Variants in SOX5 observed in about 807,000 individuals in gnomAD.
SOX5 encodes SRY-box transcription factor 5, also known as transcription factor SOX-5.
Under a neutral mutation model 92.0 loss-of-function variants are expected in SOX5, and 9 were observed. The ratio of observed to expected loss-of-function variants is 0.10; its 90% CI spans 0.06 to 0.17. The LOEUF is 0.17. SOX5 is among the 10% of genes least tolerant of loss of function. SOX5 has a pLI of 1.00. For missense variants in SOX5, 642 were observed against 944.5 expected, an observed-to-expected ratio of 0.68 and a Z score of 4.20; for synonymous variants, 344 against 336.3, an observed-to-expected ratio of 1.02 and a Z score of -0.25.
chr12:23,901,451 AG>A (rs1164175935), intron 1 of SOX5, among the ~76,000 whole-genome samples: 5 of 152,236 alleles, frequency 3.3e-5, no homozygotes, highest in African/African-American at 1.2e-4. Context: ...CATTGATTTA[AG>A]CACTTTGTTT....
intron 4 of SOX5, among the ~76,000 whole-genome samples, chr12:23,964,018 T>C (rs1947267652): frequency 6.6e-6 from 1 of 151,786 alleles, no homozygotes; most frequent in Non-Finnish European, 1.5e-5. Context: ...TTAGGAAGAA[T>C]ACAAATATTA....
At chr12:23,564,791 C>T (rs978214938) in intron 10 of SOX5, among the ~76,000 whole-genome samples, 6 of 152,208 alleles carry the variant, frequency 3.9e-5, no homozygotes, top group African/African-American at 1.2e-4. Context: ...CTTGTCTAAT[C>T]ATGTCAGATT....
chr12:23,876,541 T>C (rs551755070), intron 2 of SOX5, among the ~76,000 whole-genome samples: 1 of 152,294 alleles, frequency 6.6e-6, no homozygotes, highest in East Asian at 1.9e-4. Context: ...GAGTATAAAT[T>C]AGTTCAACCA....
intron 1 of SOX5, among the ~76,000 whole-genome samples, chr12:24,482,402 C>A (rs977290633): frequency 6.6e-6 from 1 of 152,154 alleles, no homozygotes; most frequent in African/African-American, 2.4e-5. Context: ...TACTCATAGA[C>A]TTTTCAGTCT....
At chr12:24,412,591 GTTCTCT>G (rs1284679664) in intron 1 of SOX5, among the ~76,000 whole-genome samples, 1 of 151,778 alleles carries the variant, frequency 6.6e-6, no homozygotes, top group Non-Finnish European at 1.5e-5. Context: ...AAATTTTCCT[GTTCTCT>G]TTCTGTTATT....
chr12:23,646,449 G>A (rs2080859216), intron 7 of SOX5, among the ~76,000 whole-genome samples: 1 of 152,192 alleles, frequency 6.6e-6, no homozygotes, highest in East Asian at 1.9e-4. Context: ...TTATGGGCAT[G>A]AGCCACCGCG....
chr12:24,411,587 T>A (rs1964094066), intron 1 of SOX5, among the ~76,000 whole-genome samples: 1 of 152,206 alleles, frequency 6.6e-6, no homozygotes, highest in Admixed American at 6.5e-5. Context: ...TTCTTTAGGT[T>A]GTTAGCATAC....
chr12:24,280,032 T>C (rs1267627215), intron 2 of SOX5, among the ~76,000 whole-genome samples: 4 of 152,130 alleles, frequency 2.6e-5, no homozygotes, highest in South Asian at 2.1e-4. Flanking sequence ...TGTTTTTTTT[T>C]CTCCCACTAG....
chr12:24,023,560 A>AC (rs1954551384), intron 4 of SOX5, among the ~76,000 whole-genome samples: 1 of 151,796 alleles, frequency 6.6e-6, no homozygotes, highest in Admixed American at 6.6e-5. Flanking sequence ...CACTCAACAA[A>AC]ATAAGTGACC....
chr12:23,719,788 CAAAAAAAAAA>C (rs33914230), intron 6 of SOX5, among the ~76,000 whole-genome samples: 2 of 64,174 alleles, frequency 3.1e-5, no homozygotes, highest in Non-Finnish European at 2.8e-5. Flanking sequence ...AGCTATTTAC[CAAAAAAAAAA>C]AAAAAAAAAA....
chr12:24,173,241 G>A (rs1954401865), intron 4 of SOX5, among the ~76,000 whole-genome samples: 1 of 152,228 alleles, frequency 6.6e-6, no homozygotes, highest in South Asian at 2.1e-4. Context: ...TAGCATGAAA[G>A]AAGTATCTGC....
intron 1 of SOX5, among the ~76,000 whole-genome samples, chr12:23,921,681 G>T (rs1310489247): frequency 6.6e-6 from 1 of 152,176 alleles, no homozygotes; most frequent in Non-Finnish European, 1.5e-5. Flanking sequence ...CAGACTGTGA[G>T]GACTGAAACT....
chr12:23,622,555 C>T (rs2077308148), intron 8 of SOX5, among the ~76,000 whole-genome samples: 1 of 151,932 alleles, frequency 6.6e-6, no homozygotes, highest in African/African-American at 2.4e-5. Flanking sequence ...AAAAATCCAT[C>T]AGATGTGAAG....
chr12:24,141,795 A>G (rs1950609670), intron 4 of SOX5, among the ~76,000 whole-genome samples: 1 of 152,210 alleles, frequency 6.6e-6, no homozygotes, highest in South Asian at 2.1e-4. Context: ...GGTTAAGTTA[A>G]TAGGGCCTGA....
intron 6 of SOX5, among the ~76,000 whole-genome samples, chr12:23,713,959 G>T (rs1422028256): frequency 6.6e-6 from 1 of 150,914 alleles, no homozygotes; most frequent in Non-Finnish European, 1.5e-5. Flanking sequence ...GGGTGTGGCG[G>T]TGCACACCTG....
intron 4 of SOX5, among the ~76,000 whole-genome samples, chr12:23,980,739 C>G (rs1011153726): frequency 6.6e-5 from 10 of 152,134 alleles, no homozygotes; most frequent in Non-Finnish European, 1.3e-4. Context: ...GTCCCCATCT[C>G]TCTCCCAGAG....
At chr12:24,147,039 C>T (rs532841101) in intron 4 of SOX5, among the ~76,000 whole-genome samples, 59 of 152,088 alleles carry the variant, frequency 3.9e-4, no homozygotes, top group Non-Finnish European at 7.1e-4. Context: ...CTGGGAAATT[C>T]TGCTAATCAC....
At chr12:24,502,890 A>G (rs901659559) in intron 1 of SOX5, among the ~76,000 whole-genome samples, 9 of 152,232 alleles carry the variant, frequency 5.9e-5, no homozygotes, top group African/African-American at 2.2e-4. Flanking sequence ...CAATCTAATC[A>G]TGGGAAATCA....
intron 6 of SOX5, among the ~76,000 whole-genome samples, chr12:23,723,741 A>G (rs1038968701): frequency 6.6e-6 from 1 of 151,950 alleles, no homozygotes; most frequent in Non-Finnish European, 1.5e-5. Flanking sequence ...TATACAATGT[A>G]TACACAGAAA....
Sources: gnomAD v4.1 joint callset for allele counts (sites outside exome capture counted in the v4.1 genomes callset) on GRCh38, gnomAD v4.1.1 for gene constraint, MANE v1.5 for transcripts, NCBI Gene and HGNC (gene_info 2026-07-23, HGNC 2026-07-21) for gene names.